CREB5: variants seen among roughly 807,000 people sequenced by gnomAD.
CREB5 encodes cAMP responsive element binding protein 5, also known as cyclic AMP-responsive element-binding protein 5.
In CREB5, 19 loss-of-function variants were observed where a neutral mutation model predicts 57.1. The ratio of observed to expected loss-of-function variants is 0.33; its 90% confidence interval spans 0.23 to 0.49. CREB5 has a LOEUF of 0.49. CREB5 is among the 20% of genes least tolerant of loss of function. The pLI is 0.99. For synonymous variants in CREB5, 238 were observed against 238.3 expected (o/e 1.00, Z 0.01); for missense variants, 579 against 671.6 (o/e 0.86, Z 1.52).
intron 1 of CREB5, among the ~76,000 whole-genome samples, chr7:28,368,327 G>T (rs528951937): frequency 1.3e-5 from 2 of 152,060 alleles, no homozygotes; most frequent in East Asian, 3.9e-4. Context: ...AAATTTCAAC[G>T]CTATACAATT....
At chr7:28,633,501 A>G (rs1798285444) in intron 5 of CREB5, among the ~76,000 whole-genome samples, 1 of 152,156 alleles carries the variant, frequency 6.6e-6, no homozygotes, top group African/African-American at 2.4e-5. Flanking sequence ...TCAGAGAAAA[A>G]GCACTCTGGA....
At chr7:28,364,991 TCTTGGTGACACCAA>T (rs1786558155) in intron 1 of CREB5, among the ~76,000 whole-genome samples, 1 of 152,180 alleles carries the variant, frequency 6.6e-6, no homozygotes, top group Middle Eastern at 3.2e-3. Context: ...CTGTTATTAT[TCTTGGTGACACCAA>T]CTTGGTGACA....
intron 5 of CREB5, among the ~76,000 whole-genome samples, chr7:28,662,995 A>T (rs1799670368): frequency 6.6e-6 from 1 of 151,668 alleles, no homozygotes; most frequent in Non-Finnish European, 1.5e-5. Flanking sequence ...AAATACAAAA[A>T]TTAGCCAGGC....
chr7:28,543,578 T>TAAA (rs34533813), intron 4 of CREB5, among the ~76,000 whole-genome samples: 1,204 of 92,276 alleles, frequency 0.013, 24 homozygotes, highest in Middle Eastern at 0.034. Flanking sequence ...TCATTTTAGG[T>TAAA]AAAAAAAAAA....
chr7:28,759,902 T>C (rs979354191), intron 7 of CREB5, among the ~76,000 whole-genome samples: 3 of 152,188 alleles, frequency 2.0e-5, no homozygotes, highest in African/African-American at 7.2e-5. Flanking sequence ...ATGGAAAGCT[T>C]GCCAATTCAC....
intron 1 of CREB5, among the ~76,000 whole-genome samples, chr7:28,427,301 C>T (rs914531287): frequency 1.3e-5 from 2 of 152,254 alleles, no homozygotes; most frequent in African/African-American, 4.8e-5. Context: ...GTTTTCATGT[C>T]GCTACATAGT....
At chr7:28,388,525 C>T (rs1048975866) in intron 1 of CREB5, among the ~76,000 whole-genome samples, 1 of 152,054 alleles carries the variant, frequency 6.6e-6, no homozygotes, top group Non-Finnish European at 1.5e-5. Flanking sequence ...ATTTGTTTAC[C>T]CTTCCTTTCT....
chr7:28,370,495 G>T (rs1212464481), intron 1 of CREB5, among the ~76,000 whole-genome samples: 2 of 152,186 alleles, frequency 1.3e-5, no homozygotes, highest in Non-Finnish European at 2.9e-5. Context: ...AATGCATTAA[G>T]ATATTGCACA....
intron 5 of CREB5, among the ~76,000 whole-genome samples, chr7:28,660,915 ACT>A (rs1197301530): frequency 6.6e-6 from 1 of 151,422 alleles, no homozygotes; most frequent in Non-Finnish European, 1.5e-5. Flanking sequence ...TCCCTTAGAC[ACT>A]CTCTGTTGTT....
intron 1 of CREB5, among the ~76,000 whole-genome samples, chr7:28,462,062 T>A (rs1232845077): frequency 1.3e-5 from 2 of 152,270 alleles, no homozygotes; most frequent in East Asian, 3.9e-4. Context: ...CAATTAGCAG[T>A]CACTCCCCAT....
chr7:28,601,238 G>T, intron 5 of CREB5, among the ~76,000 whole-genome samples: 1 of 152,008 alleles, frequency 6.6e-6, no homozygotes, highest in East Asian at 1.9e-4. Context: ...GTGGGGTGGT[G>T]GTGGAAAAGG....
chr7:28,634,898 C>T (rs1798351263), intron 5 of CREB5, among the ~76,000 whole-genome samples: 1 of 152,116 alleles, frequency 6.6e-6, no homozygotes, highest in African/African-American at 2.4e-5. Flanking sequence ...CAGGGTAGAG[C>T]ACTGTATCAG....
At chr7:28,567,053 A>G (rs866206071) in intron 4 of CREB5, among the ~76,000 whole-genome samples, 59 of 152,328 alleles carry the variant, frequency 3.9e-4, no homozygotes, top group African/African-American at 1.3e-3. Context: ...TTTGTGCCGC[A>G]GCATAAGTCA....
chr7:28,404,936 C>A (rs746258543), intron 1 of CREB5, among the ~76,000 whole-genome samples: 1 of 152,204 alleles, frequency 6.6e-6, no homozygotes, highest in Non-Finnish European at 1.5e-5. Flanking sequence ...CATGCCCCAG[C>A]TGTGCAATTC....
chr7:28,458,105 C>G (rs988307915), intron 1 of CREB5, among the ~76,000 whole-genome samples: 4 of 152,114 alleles, frequency 2.6e-5, no homozygotes, highest in Non-Finnish European at 5.9e-5. Flanking sequence ...AAGACAGAAC[C>G]CTGGAACAGA....
intron 4 of CREB5, among the ~76,000 whole-genome samples, chr7:28,557,937 AC>A (rs1052999674): frequency 3.8e-5 from 5 of 132,332 alleles, no homozygotes; most frequent in African/African-American, 1.3e-4. Flanking sequence ...CTCCTATTGC[AC>A]CAGGGACCCC....
chr7:28,395,801 C>CTTTT (rs71555740), intron 1 of CREB5, among the ~76,000 whole-genome samples: 2 of 149,242 alleles, frequency 1.3e-5, no homozygotes, highest in African/African-American at 2.5e-5. Context: ...TTCTTTCTTT[C>CTTTT]TTTTTTTTTT....
chr7:28,776,197 G>A lies in CREB5; in HGVS notation c.703-28002G>A, dbSNP rs1204655862. Among the ~76,000 whole-genome samples, 8 of 152,228 alleles carry A rather than the reference G, an allele frequency of 5.3e-5. No individual in the cohort carries two copies. In the South Asian group the frequency reaches 1.5e-3, roughly 28 times the overall value. On this transcript the variant is annotated intron_variant, in intron 7 of 10. Transcript: ENST00000357727. ...CTAAAAATCCAAAAAAATTAGCCGG[G>A]TGTGGTGGCGGGCGCCTGTAGTCCC...
chr7:28,607,775 GT>G (rs1797202586), intron 5 of CREB5, among the ~76,000 whole-genome samples: 1 of 149,470 alleles, frequency 6.7e-6, no homozygotes, highest in East Asian at 2.0e-4. Context: ...GTGTGTGTGT[GT>G]GTGTGTGTGT....
Sources: gnomAD v4.1 joint callset for allele counts (sites outside exome capture counted in the v4.1 genomes callset) on GRCh38, gnomAD v4.1.1 for gene constraint, MANE v1.5 for transcripts, NCBI Gene and HGNC (gene_info 2026-07-23, HGNC 2026-07-21) for gene names.